Variants in PCDH9 observed in about 807,000 individuals in gnomAD.
PCDH9 encodes the protein protocadherin-9.
A neutral mutation model predicts 70.6 loss-of-function variants in PCDH9; 24 were observed. The ratio of observed to expected loss-of-function variants is 0.34; its 90% CI spans 0.25 to 0.48. PCDH9 has a LOEUF of 0.48. Among genes scored for constraint, PCDH9 ranks in the 20% least tolerant of loss-of-function variants. The pLI is 0.99. For synonymous variants in PCDH9, 562 were observed against 558.5 expected (o/e 1.01, Z -0.09); for missense variants, 1,281 against 1,503.6 (o/e 0.85, Z 2.45).
chr13:66,950,301 T>C (rs2083158546), intron 2 of PCDH9, among the ~76,000 whole-genome samples: 1 of 152,126 alleles, frequency 6.6e-6, no homozygotes, highest in Non-Finnish European at 1.5e-5. Context: ...GAATCCAGAT[T>C]CTGCCACTTA....
chr13:66,514,613 A>T (rs1959646397), intron 4 of PCDH9, among the ~76,000 whole-genome samples: 1 of 152,092 alleles, frequency 6.6e-6, no homozygotes, highest in African/African-American at 2.4e-5. Context: ...TCAACACCAA[A>T]GGAGTTTATT....
intron 4 of PCDH9, among the ~76,000 whole-genome samples, chr13:66,475,508 C>T (rs1458373130): frequency 6.6e-6 from 1 of 152,034 alleles, no homozygotes; most frequent in Non-Finnish European, 1.5e-5. Context: ...TTGGAAGTAA[C>T]ATACTATTTT....
At chr13:66,873,052 T>C (rs563707735) in intron 3 of PCDH9, among the ~76,000 whole-genome samples, 208 of 152,274 alleles carry the variant, frequency 1.4e-3, no homozygotes, top group Non-Finnish European at 2.3e-3. Flanking sequence ...TATAGATGCA[T>C]TTGTAAAAGT....
At chr13:66,318,477 G>A (rs1038893014) in intron 4 of PCDH9, among the ~76,000 whole-genome samples, 2 of 152,052 alleles carry the variant, frequency 1.3e-5, no homozygotes, top group Non-Finnish European at 2.9e-5. Flanking sequence ...TATTTATCAT[G>A]TTTCTGAAAT....
intron 4 of PCDH9, among the ~76,000 whole-genome samples, chr13:66,621,304 T>C (rs2077418613): frequency 6.6e-6 from 1 of 152,164 alleles, no homozygotes; most frequent in Admixed American, 6.5e-5. Context: ...CTAGCTGGCC[T>C]TGAAGAAATA....
At chr13:66,987,843 CATAA>C (rs1483360215) in intron 2 of PCDH9, among the ~76,000 whole-genome samples, 1 of 151,838 alleles carries the variant, frequency 6.6e-6, no homozygotes, top group East Asian at 1.9e-4. Flanking sequence ...TCCTTGACAC[CATAA>C]ATAACTATTC....
chr13:66,857,583 T>C (rs2081415213), intron 3 of PCDH9, among the ~76,000 whole-genome samples: 1 of 152,162 alleles, frequency 6.6e-6, no homozygotes, highest in Non-Finnish European at 1.5e-5. Context: ...TTATTCATAT[T>C]GACCTATTGA....
rs549140254 is a variant in PCDH9 at position 66,489,510 on chromosome 13, C to G, written c.3340+141700G>C. Reference sequence around the variant, plus strand: ...TATTTTTTGTACTAACAGGGTCTCACTATGTTGCCCAACCTTGTCTCAAAC... The same window carrying G: ...TATTTTTTGTACTAACAGGGTCTCAGTATGTTGCCCAACCTTGTCTCAAAC... On this transcript the variant is annotated intron_variant, in intron 4 of 4. Coordinates refer to ENST00000377865, the MANE Select transcript of PCDH9 (RefSeq NM_203487.3). Among the ~76,000 whole-genome samples, 5 of 152,272 alleles carry G rather than the reference C, an allele frequency of 3.3e-5. No homozygotes were observed. In the East Asian group the frequency reaches 9.7e-4, roughly 29 times the overall value.
intron 3 of PCDH9, among the ~76,000 whole-genome samples, chr13:66,761,772 C>A (rs4884699): frequency 0.5 from 76,459 of 151,654 alleles, 21,580 homozygotes; most frequent in Middle Eastern, 0.65. Context: ...TTGTTTTTCT[C>A]ATTTTGTTTA....
intron 4 of PCDH9, among the ~76,000 whole-genome samples, chr13:66,391,621 A>T (rs1402958610): frequency 6.6e-6 from 1 of 152,064 alleles, no homozygotes; most frequent in Non-Finnish European, 1.5e-5. Context: ...ATGAATTGCA[A>T]TTTTTCCCCC....
At chr13:66,914,663 T>A (rs560432107) in intron 2 of PCDH9, among the ~76,000 whole-genome samples, 1 of 152,020 alleles carries the variant, frequency 6.6e-6, no homozygotes, top group East Asian at 1.9e-4. Flanking sequence ...CTGTAACTTT[T>A]ATGAAGATTC....
At chr13:66,854,426 G>A (rs1249541191) in intron 3 of PCDH9, among the ~76,000 whole-genome samples, 1 of 152,012 alleles carries the variant, frequency 6.6e-6, no homozygotes, top group Non-Finnish European at 1.5e-5. Flanking sequence ...TTCTATATTC[G>A]TGAATGTATA....
rs188162018 is a variant in PCDH9, at chr13:66,771,980, T to C, written c.3138+131524A>G. On this transcript the variant is annotated intron_variant, in intron 3 of 4. Coordinates refer to ENST00000377865, the MANE Select transcript of PCDH9 (RefSeq NM_203487.3). ...ACAAGCTCAAACGTAATACATTTCT[T>C]TTCTATTTTTAGCAGACTACCACAA... Among the ~76,000 whole-genome samples, 129 of 152,348 alleles carry C rather than the reference T, an allele frequency of 8.5e-4. No individual in the cohort carries two copies. The Middle Eastern group carries it at 0.01, about 12-fold the overall frequency.
chr13:66,868,562 T>C (rs1415055488), intron 3 of PCDH9, among the ~76,000 whole-genome samples: 1 of 152,090 alleles, frequency 6.6e-6, no homozygotes, highest in African/African-American at 2.4e-5. Flanking sequence ...GGGTGTTCTG[T>C]GGAAGGTGTT....
intron 2 of PCDH9, among the ~76,000 whole-genome samples, chr13:67,041,936 A>C (rs1309571917): frequency 1.3e-5 from 2 of 152,112 alleles, no homozygotes; most frequent in Non-Finnish European, 2.9e-5. Flanking sequence ...AGTTCTGGTC[A>C]CTGAATTGTG....
At chr13:66,934,158 T>C (rs529102913) in intron 2 of PCDH9, among the ~76,000 whole-genome samples, 1 of 152,254 alleles carries the variant, frequency 6.6e-6, no homozygotes, top group East Asian at 1.9e-4. Flanking sequence ...GCAGAATGAC[T>C]TGACAATATG....
intron 2 of PCDH9, among the ~76,000 whole-genome samples, chr13:66,941,422 T>C (rs989275376): frequency 6.6e-6 from 1 of 151,798 alleles, no homozygotes; most frequent in African/African-American, 2.4e-5. Flanking sequence ...ATAACATTTA[T>C]GTAAATGGTC....
At chr13:66,792,570 G>A (rs1180472639) in intron 3 of PCDH9, among the ~76,000 whole-genome samples, 2 of 152,152 alleles carry the variant, frequency 1.3e-5, no homozygotes, top group Non-Finnish European at 2.9e-5. Context: ...TCCGGAAGCT[G>A]ACGCAGGAGA....
intron 2 of PCDH9, among the ~76,000 whole-genome samples, chr13:67,087,087 TAAAAAAAAAAAA>T (rs36017495): frequency 2.4e-5 from 3 of 123,786 alleles, no homozygotes; most frequent in East Asian, 4.6e-4. Flanking sequence ...TGATGTTTTG[TAAAAAAAAAAAA>T]AAAAAAAAAA....
Sources: gnomAD v4.1 joint callset for allele counts (sites outside exome capture counted in the v4.1 genomes callset) on GRCh38, gnomAD v4.1.1 for gene constraint, MANE v1.5 for transcripts, NCBI Gene and HGNC (gene_info 2026-07-23, HGNC 2026-07-21) for gene names.